The following LAMA3 variants were observed in gnomAD, a reference collection of about 807,000 sequenced individuals.
LAMA3 encodes the protein laminin subunit alpha 3, also known as laminin subunit alpha-3.
Under a neutral mutation model 402.0 loss-of-function variants are expected in LAMA3, and 281 were observed. That is an observed-to-expected ratio of 0.70 (90% CI 0.63 to 0.77). The LOEUF (loss-of-function observed/expected upper bound fraction) is 0.77, where lower values mean the gene tolerates loss of function less well. Ranked by LOEUF, LAMA3 falls within the 30% of genes least tolerant of loss-of-function variation. The pLI is 0.00. For missense variants in LAMA3, 3,840 were observed against 4,215.5 expected (o/e 0.91, Z 2.47); for synonymous variants, 1,431 against 1,558.4 (o/e 0.92, Z 1.93).
At chr18:23,698,366 C>T (rs989184126) in intron 1 of LAMA3, among the ~76,000 whole-genome samples, 1 of 152,044 alleles carries the variant, frequency 6.6e-6, no homozygotes, top group African/African-American at 2.4e-5. Context: ...GCCATCACGC[C>T]CAGCTAATTT....
intron 8 of LAMA3, among the ~76,000 whole-genome samples, chr18:23,770,015 G>A (rs560721752): frequency 3.3e-5 from 5 of 152,262 alleles, no homozygotes; most frequent in East Asian, 1.9e-4. Context: ...AAGACATTTC[G>A]TAATGCTAAG....
chr18:23,915,596 T>C (rs2081583779), intron 59 of LAMA3, among the ~76,000 whole-genome samples, 174 bp downstream of exon 59: 5 of 152,226 alleles, frequency 3.3e-5, no homozygotes, highest in Admixed American at 3.3e-4. Flanking sequence ...CCCTAAAATC[T>C]AATTATGGTA....
chr18:23,720,433 C>A (rs2145944282), intron 2 of LAMA3, among the ~76,000 whole-genome samples: 1 of 152,252 alleles, frequency 6.6e-6, no homozygotes, highest in East Asian at 1.9e-4. Flanking sequence ...CGGCTGACTG[C>A]AACCTCTGCC....
At position 23,709,753 on chromosome 18, in the gene LAMA3, C is replaced by G. The variant is rs559455631; in HGVS notation, c.295-4167C>G. 5.5e-4 allele frequency: 297 copies of G among 541,378 alleles called. 3 individuals are homozygous for G. Among genetic ancestry groups the G allele is most frequent in the South Asian group, 4.8e-3 (293 of 61,070 alleles). The allele number at this position is 541,378 out of a possible 1,614,324, so 33.5% of individuals were successfully genotyped here. A position where few individuals can be genotyped will look rare whatever the true frequency, so the allele number is the denominator to read the frequency against. On this transcript the variant is annotated intron_variant, in intron 1 of 74. Transcript: ENST00000313654. ...CCATGGATTCTTTTCTCTTCTGCTC[C>G]ACAAGTTTGATTGTCTTTTCTTTCT...
intron 12 of LAMA3, among the ~76,000 whole-genome samples, chr18:23,792,987 C>T (rs1299906580): frequency 7.2e-5 from 11 of 152,146 alleles, no homozygotes. Context: ...ATACAGTTCC[C>T]AGAGGAGGGG....
At chr18:23,913,070 T>C (rs111761687) in intron 56 of LAMA3, among the ~76,000 whole-genome samples, 189 bp downstream of exon 56, 1,670 of 152,270 alleles carry the variant, frequency 0.011, 29 homozygotes, top group African/African-American at 0.038. Flanking sequence ...TCGAGGGGCC[T>C]CCCATGCATT....
chr18:23,881,978 C>A lies in LAMA3; in HGVS notation c.5155C>A (p.Gln1719Lys). ...NTAGEHCERC[Q>K]EGYYGNAVHG... ...CGCGGGAGAGCACTGTGAACGCTGC[C>A]AGGAGGGCTACTATGGCAACGCCGT... Residue 1719 changes from glutamine to lysine, a missense_variant, in exon 40 of 75, where the codon CAG becomes AAG. Coordinates refer to ENST00000313654, the MANE Select transcript of LAMA3 (RefSeq NM_198129.4). The A allele has an allele frequency of 6.2e-7, 1 of 1,614,068 alleles. No homozygotes were observed. The highest frequency in any genetic ancestry group is 8.5e-7 in the Non-Finnish European group (1 of 1,179,980).
intron 18 of LAMA3, among the ~76,000 whole-genome samples, chr18:23,817,606 T>A (rs2063201563): frequency 6.6e-6 from 1 of 152,070 alleles, no homozygotes; most frequent in Non-Finnish European, 1.5e-5. Flanking sequence ...TCCTAGCTGC[T>A]CAGGAGGCTG....
chr18:23,901,272 G>C lies in LAMA3; in HGVS notation c.6150G>C (p.Lys2050Asn), dbSNP rs2081061644. 1 of 1,614,220 alleles carries C rather than the reference G, an allele frequency of 6.2e-7. No homozygotes were observed. Among genetic ancestry groups the C allele is most frequent in the African/African-American group, 1.3e-5 (1 of 75,062 alleles). The change falls in exon 48 of 75, where the codon AAG (lysine) becomes AAC (asparagine). Residue 2050 changes from lysine (K) to asparagine (N), a missense_variant. By Grantham distance (94) the Lys-to-Asn change is moderately conservative (BLOSUM62 0). This residue lies in a region of LAMA3 where 891 missense variants were observed against 857.5 expected (regional missense o/e 1.04). Coordinates refer to ENST00000313654, the MANE Select transcript of LAMA3 (RefSeq NM_198129.4). ...ARLQEAAAQAKQANGLNQENE... is the reference protein window; with the variant it reads ...ARLQEAAAQANQANGLNQENE... The stretch of plus-strand genomic sequence containing the variant: ...TGCAGGAGGCAGCTGCCCAAGCCAA[G>C]CAGGCAAATGGCTTGAACCAAGAAA...
chr18:23,926,886 T>C (rs925148505), intron 62 of LAMA3, among the ~76,000 whole-genome samples: 4 of 152,220 alleles, frequency 2.6e-5, no homozygotes, highest in African/African-American at 4.8e-5. Flanking sequence ...GATCTCACAT[T>C]GAGTCCTTAC....
At chr18:23,816,326 A>C in intron 17 of LAMA3, 62 bp from the exon 18 acceptor site, 5 of 1,283,716 alleles carry the variant, frequency 3.9e-6, no homozygotes, top group Non-Finnish European at 5.7e-6. Context: ...CTTGTACAGC[A>C]GGGGAGGCGC....
At chr18:23,822,127 ATGTG>A in intron 19 of LAMA3, 121 bp from the exon 20 acceptor site, 1 of 949,132 alleles carries the variant, frequency 1.1e-6, no homozygotes, top group Non-Finnish European at 1.7e-6. Context: ...GTGAGTGTGT[ATGTG>A]TGTGTATGTG....
intron 29 of LAMA3, among the ~76,000 whole-genome samples, chr18:23,843,710 C>G (rs983349842): frequency 6.6e-6 from 1 of 152,192 alleles, no homozygotes; most frequent in African/African-American, 2.4e-5. Flanking sequence ...CCATGTATTT[C>G]CCTAGGATCC....
chr18:23,908,327 G>A (rs1465391671), intron 54 of LAMA3, among the ~76,000 whole-genome samples: 3 of 151,848 alleles, frequency 2.0e-5, no homozygotes, highest in African/African-American at 4.8e-5. Flanking sequence ...TCAGGAGATC[G>A]AGACCATCCT....
At chr18:23,807,490 CTGTG>C (rs1353458667) in intron 12 of LAMA3, among the ~76,000 whole-genome samples, 2 of 149,304 alleles carry the variant, frequency 1.3e-5, no homozygotes, top group East Asian at 2.0e-4. Context: ...GTGTGTGTGT[CTGTG>C]TGTGTATGTG....
intron 8 of LAMA3, among the ~76,000 whole-genome samples, chr18:23,772,009 A>C (rs916975033): frequency 1.3e-5 from 2 of 150,598 alleles, no homozygotes; most frequent in East Asian, 3.9e-4. Context: ...AAAGTCTTTC[A>C]CCTCTTCCAC....
intron 12 of LAMA3, among the ~76,000 whole-genome samples, chr18:23,793,413 C>T (rs1438293721): frequency 6.6e-6 from 1 of 151,798 alleles, no homozygotes; most frequent in Non-Finnish European, 1.5e-5. Context: ...ATGGTGAATC[C>T]AAAGCCCAGG....
At chr18:23,710,300 C>A in intron 1 of LAMA3, 1 of 495,138 alleles carries the variant, frequency 2.0e-6, no homozygotes, top group Non-Finnish European at 3.7e-6. Flanking sequence ...TGTGAAAAGA[C>A]CGCAAGTTTG....
In LAMA3 at chr18:23,947,291, G is replaced by T. The variant is rs561401130; in HGVS notation, c.9351+1007G>T. On this transcript the variant is annotated intron_variant, in intron 70 of 74. Transcript: ENST00000313654. ...CACCTGTCTTTCTTGTCTCAGATTT[G>T]CCTTTCCCCCCACCCCACAAAGTTA... 3.3e-3 allele frequency among the ~76,000 whole-genome samples: 508 copies of T among 152,208 alleles called. 2 individuals are homozygous for T. Among genetic ancestry groups the T allele is most frequent in the African/African-American group, 0.012 (495 of 41,538 alleles).
Sources: gnomAD v4.1 joint callset for allele counts (sites outside exome capture counted in the v4.1 genomes callset) on GRCh38, gnomAD v4.1.1 for gene constraint, gnomAD v4.1.1 regional missense constraint, MANE v1.5 for transcripts, NCBI Gene and HGNC (gene_info 2026-07-23, HGNC 2026-07-21) for gene names.